Variants in KIRREL3 observed in about 807,000 individuals in gnomAD.
The protein encoded by KIRREL3 is kin of IRRE-like protein 3.
Under a neutral mutation model 89.7 loss-of-function variants are expected in KIRREL3, and 36 were observed. The ratio of observed to expected loss-of-function variants is 0.40; its 90% CI spans 0.31 to 0.53. The LOEUF is 0.53. Ranked by LOEUF, KIRREL3 falls within the 20% of genes least tolerant of loss-of-function variation. KIRREL3 has a pLI of 0.49. For synonymous variants in KIRREL3, 445 were observed against 441.4 expected (o/e 1.01, Z -0.10); for missense variants, 864 against 1,056.6 (o/e 0.82, Z 2.53).
At chr11:126,895,099 T>C (rs1946096259) in intron 1 of KIRREL3, among the ~76,000 whole-genome samples, 1 of 152,110 alleles carries the variant, frequency 6.6e-6, no homozygotes, top group Non-Finnish European at 1.5e-5. Flanking sequence ...GGTTCTCAAA[T>C]GTTGCAGCCT....
rs1245355265 is a variant in KIRREL3 at position 126,454,225 on chromosome 11, C to T, written c.848+2124G>A. On this transcript the variant is annotated intron_variant, in intron 7 of 16. Transcript: ENST00000525144. The surrounding 1 kb of genome is among the most constrained non-coding windows in gnomAD (Gnocchi z 5.8). ...AGGTTGGTGACCCTGGGAATCAGGCCCAGCACTTCGTTTCCTGGGTGTTTG... is the reference window on the plus strand; with the variant it reads ...AGGTTGGTGACCCTGGGAATCAGGCTCAGCACTTCGTTTCCTGGGTGTTTG... Among the ~76,000 whole-genome samples the T allele has an allele frequency of 6.6e-6, 1 of 151,954 alleles. No homozygotes were observed. The highest frequency in any genetic ancestry group is 1.5e-5 in the Non-Finnish European group (1 of 67,998).
At chr11:126,670,313 A>G (rs1591924701) in intron 1 of KIRREL3, among the ~76,000 whole-genome samples, 1 of 152,328 alleles carries the variant, frequency 6.6e-6, no homozygotes, top group Admixed American at 6.5e-5. Context: ...CTAACTTAAT[A>G]TAAAGAGTAT....
rs1943524026 is a variant in KIRREL3 at position 126,620,277 on chromosome 11, G to A, written c.56-57365C>T. 6.6e-6 allele frequency among the ~76,000 whole-genome samples: 1 copy of A among 152,088 alleles called. No homozygotes were observed. The highest frequency in any genetic ancestry group is 1.5e-5 in the Non-Finnish European group (1 of 68,030). On this transcript the variant is annotated intron_variant, in intron 1 of 16. Coordinates refer to ENST00000525144, the MANE Select transcript of KIRREL3 (RefSeq NM_032531.4). This position sits in a 1 kb window ranked among gnomAD's most constrained non-coding sequence, Gnocchi z 4.8. ...ATCCTTGGATTCTAGACCCAAGGTG[G>A]ATTCTAGACCCATTATCTTGATCAT...
At chr11:126,630,449 G>C (rs145823678) in intron 1 of KIRREL3, among the ~76,000 whole-genome samples, 1 of 148,766 alleles carries the variant, frequency 6.7e-6, no homozygotes, top group East Asian at 2.2e-4. Flanking sequence ...TCCTCCTTTT[G>C]TTCCTTGCCC....
rs978153223 is a variant in KIRREL3, at chr11:126,940,277, CT to C, written c.55+60177del. ...GAGCCTATATCTTTTTAAATATATC[CT>C]TTTTTTCTAGATTGGAAAAACAATA... On this transcript the variant is annotated intron_variant, in intron 1 of 16. Coordinates refer to ENST00000525144, the MANE Select transcript of KIRREL3 (RefSeq NM_032531.4). This position sits in a 1 kb window ranked among gnomAD's most constrained non-coding sequence, Gnocchi z 4.6. Among the ~76,000 whole-genome samples, 14 of 152,242 alleles carry C rather than the reference CT, an allele frequency of 9.2e-5. No individual in the cohort carries two copies. The highest frequency in any genetic ancestry group is 3.4e-4 in the African/African-American group (14 of 41,536).
intron 1 of KIRREL3, among the ~76,000 whole-genome samples, chr11:126,648,854 T>C (rs900665385): frequency 6.6e-6 from 1 of 152,212 alleles, no homozygotes; most frequent in Non-Finnish European, 1.5e-5. Flanking sequence ...CCTGGTTGAA[T>C]GAGTGGCTAA....
intron 1 of KIRREL3, among the ~76,000 whole-genome samples, chr11:126,862,563 C>T (rs1165988984): frequency 6.6e-6 from 1 of 152,176 alleles, no homozygotes; most frequent in Non-Finnish European, 1.5e-5. Flanking sequence ...GACTCTAGCC[C>T]CTGTCCCTTC....
chr11:126,816,040 T>C (rs1053259968), intron 1 of KIRREL3, among the ~76,000 whole-genome samples: 4 of 152,248 alleles, frequency 2.6e-5, no homozygotes, highest in Non-Finnish European at 5.9e-5. Context: ...ATAACCTCTT[T>C]CCTTGTTATT....
chr11:126,483,755 C>A lies in KIRREL3; in HGVS notation c.434-10289G>T, dbSNP rs1206235693. Among the ~76,000 whole-genome samples the A allele has an allele frequency of 8.5e-5, 13 of 152,340 alleles. No individual in the cohort carries two copies. In the South Asian group the frequency reaches 2.1e-3, roughly 24 times the overall value. On this transcript the variant is annotated intron_variant, in intron 4 of 16. Transcript: ENST00000525144. Reference sequence around the variant, plus strand: ...AGGATAGCCTGCCCTTTTACAAATACACGCTTTGGCTTGTGAAGTTCCCTT... The same window carrying A: ...AGGATAGCCTGCCCTTTTACAAATAAACGCTTTGGCTTGTGAAGTTCCCTT...
Position 126,484,599 on chromosome 11 carries a change from G to A in KIRREL3, c.434-11133C>T, listed in dbSNP as rs557861580. On this transcript the variant is annotated intron_variant, in intron 4 of 16. Transcript: ENST00000525144. The surrounding 1 kb of genome is among the most constrained non-coding windows in gnomAD (Gnocchi z 5.2). Reference sequence around the variant, plus strand: ...CAAAGAACAGTAGGCCCTGTTAAATGTAAATTTCAGATAAATTAAAAAATG... The same window carrying A: ...CAAAGAACAGTAGGCCCTGTTAAATATAAATTTCAGATAAATTAAAAAATG... Among the ~76,000 whole-genome samples the A allele has an allele frequency of 1.3e-5, 2 of 152,274 alleles. No individual in the cohort carries two copies. Among genetic ancestry groups the A allele is most frequent in the Admixed American group, 1.3e-4 (2 of 15,296 alleles).
rs1941944518 is a variant in KIRREL3, at chr11:126,587,901, G to A, written c.56-24989C>T. ...GAATGCAAGGAATGAATGACTCTAA[G>A]GAGAGCTGGGCCCTGGTACAGGGAG... On this transcript the variant is annotated intron_variant, in intron 1 of 16. Transcript: ENST00000525144. The surrounding 1 kb of genome is among the most constrained non-coding windows in gnomAD (Gnocchi z 5.2). 6.6e-6 allele frequency among the ~76,000 whole-genome samples: 1 copy of A among 152,164 alleles called. No individual in the cohort carries two copies. The highest frequency in any genetic ancestry group is 2.4e-5 in the African/African-American group (1 of 41,436).
rs115963360 is a variant in KIRREL3, at chr11:126,486,373, A to C, written c.434-12907T>G. Among the ~76,000 whole-genome samples, 3,796 of 152,216 alleles carry C rather than the reference A, an allele frequency of 0.025. 164 individuals carry two copies. Among genetic ancestry groups the C allele is most frequent in the African/African-American group, 0.082 (3,414 of 41,516 alleles). On this transcript the variant is annotated intron_variant, in intron 4 of 16. Coordinates refer to ENST00000525144, the MANE Select transcript of KIRREL3 (RefSeq NM_032531.4). The surrounding 1 kb of genome is among the most constrained non-coding windows in gnomAD (Gnocchi z 6.2). ...GCCAGTGTGTGGTGCTGGGTGGCTTACACTCACCCTCCCAGTCCTGCGGAG... is the reference window on the plus strand; with the variant it reads ...GCCAGTGTGTGGTGCTGGGTGGCTTCCACTCACCCTCCCAGTCCTGCGGAG...
chr11:126,689,002 C>T lies in KIRREL3; in HGVS notation c.56-126090G>A, dbSNP rs1325792142. Among the ~76,000 whole-genome samples, 1 of 141,390 alleles carries T rather than the reference C, an allele frequency of 7.1e-6. No individual in the cohort carries two copies. The highest frequency in any genetic ancestry group is 2.6e-5 in the African/African-American group (1 of 37,752). The allele number at this position is 141,390 out of a possible 152,430, so 92.8% of individuals were successfully genotyped here. On this transcript the variant is annotated intron_variant, in intron 1 of 16. Transcript: ENST00000525144. This position sits in a 1 kb window ranked among gnomAD's most constrained non-coding sequence, Gnocchi z 5.2. ...TGTCTTTGTTTGGCTGACCATAGAG[C>T]AGCTATGTAGAACTATGTGTGTGTG...
rs1943645404 is a variant in KIRREL3 at position 126,623,241 on chromosome 11, C to T, written c.56-60329G>A. ...ATGGGTGGAAAAACCTACCCACATG[C>T]TATGAGGATGGGAAACCAAAGTGTC... On this transcript the variant is annotated intron_variant, in intron 1 of 16. Transcript: ENST00000525144. The surrounding 1 kb of genome is among the most constrained non-coding windows in gnomAD (Gnocchi z 4.1). 6.6e-6 allele frequency among the ~76,000 whole-genome samples: 1 copy of T among 152,198 alleles called. No individual in the cohort carries two copies. The highest frequency in any genetic ancestry group is 1.5e-5 in the Non-Finnish European group (1 of 68,030).
intron 1 of KIRREL3, among the ~76,000 whole-genome samples, chr11:126,597,281 C>T (rs1421950043): frequency 6.6e-6 from 1 of 152,232 alleles, no homozygotes; most frequent in Admixed American, 6.5e-5. Flanking sequence ...AATGTCGGGA[C>T]ACCAAAGGGC....
chr11:126,505,911 C>T (rs1958000807), intron 4 of KIRREL3, among the ~76,000 whole-genome samples: 1 of 152,150 alleles, frequency 6.6e-6, no homozygotes, highest in South Asian at 2.1e-4. Flanking sequence ...CAATTCCTAT[C>T]AAAATTCCAG....
intron 1 of KIRREL3, among the ~76,000 whole-genome samples, chr11:126,868,471 C>T (rs1944997165): frequency 6.6e-6 from 1 of 152,140 alleles, no homozygotes; most frequent in African/African-American, 2.4e-5. Context: ...GAAATTGCCC[C>T]TGATTCACAG....
Position 126,768,191 on chromosome 11 carries a change from A to G in KIRREL3, c.56-205279T>C, listed in dbSNP as rs958262494. Among the ~76,000 whole-genome samples, 105 of 149,154 alleles carry G rather than the reference A, an allele frequency of 7.0e-4. 2 individuals are homozygous for G. The highest frequency in any genetic ancestry group is 2.4e-3 in the African/African-American group (95 of 39,644). On this transcript the variant is annotated intron_variant, in intron 1 of 16. Transcript: ENST00000525144. The surrounding 1 kb of genome is among the most constrained non-coding windows in gnomAD (Gnocchi z 4.5). Reference sequence around the variant, plus strand: ...ATCCAATCCATCCATCCATCCATCCATCCATCCATCCATCCATCCATCCAT... The same window carrying G: ...ATCCAATCCATCCATCCATCCATCCGTCCATCCATCCATCCATCCATCCAT...
chr11:126,451,406 GC>G (rs1334070782), intron 7 of KIRREL3, among the ~76,000 whole-genome samples: 15 of 149,880 alleles, frequency 1.0e-4, no homozygotes, highest in Non-Finnish European at 1.6e-4. Context: ...GTGCATGTGT[GC>G]ATGTGTGTGC....
Sources: gnomAD v4.1 joint callset for allele counts (sites outside exome capture counted in the v4.1 genomes callset) on GRCh38, gnomAD v4.1.1 for gene constraint, Gnocchi (gnomAD v3.1) non-coding constraint, MANE v1.5 for transcripts, NCBI Gene and HGNC (gene_info 2026-07-23, HGNC 2026-07-21) for gene names.